TAF3: variants seen among roughly 807,000 people sequenced by gnomAD.
TAF3 encodes transcription initiation factor TFIID subunit 3.
Under a neutral mutation model 80.6 loss-of-function variants are expected in TAF3, and 7 were observed. The ratio of observed to expected loss-of-function variants is 0.09; its 90% confidence interval spans 0.05 to 0.16. The LOEUF is 0.16. Ranked by LOEUF, TAF3 falls within the 10% of genes least tolerant of loss-of-function variation. TAF3 has a pLI of 1.00. For missense variants in TAF3, 921 were observed against 1,140.2 expected (o/e 0.81, Z 2.77); for synonymous variants, 444 against 446.1 (o/e 1.00, Z 0.06).
At chr10:7,873,624 C>CCA (rs1554779082) in intron 2 of TAF3, among the ~76,000 whole-genome samples, 1 of 143,648 alleles carries the variant, frequency 7.0e-6, no homozygotes, top group African/African-American at 2.6e-5. Context: ...TTCTCCCCCC[C>CCA]CCCCCGTCAA....
At chr10:7,866,594 G>A (rs759025999) in intron 2 of TAF3, among the ~76,000 whole-genome samples, 4 of 152,208 alleles carry the variant, frequency 2.6e-5, no homozygotes, top group East Asian at 1.9e-4. Context: ...GGAGCGTGGC[G>A]TAAGATGAAG....
At chr10:7,982,036 A>G (rs1300171101) in intron 4 of TAF3, among the ~76,000 whole-genome samples, 2 of 152,216 alleles carry the variant, frequency 1.3e-5, no homozygotes, top group Non-Finnish European at 2.9e-5. Flanking sequence ...GAAAATAAGC[A>G]TTTTATATTT....
At chr10:7,921,227 G>A (rs543614702) in intron 2 of TAF3, among the ~76,000 whole-genome samples, 20 of 152,096 alleles carry the variant, frequency 1.3e-4, no homozygotes, top group African/African-American at 4.6e-4. Flanking sequence ...CTTTGAAGTA[G>A]AAGGAAAGAG....
Position 8,014,908 on chromosome 10 carries a change from A to AT in TAF3, c.*159dup. On this transcript the variant is annotated 3_prime_UTR_variant, in exon 7 of 7. Coordinates refer to ENST00000344293, the MANE Select transcript of TAF3 (RefSeq NM_031923.4). Reference sequence around the variant, plus strand: ...AGGCTGGAACACACCGCGCACCTGGATTGTTCACTCCCGAGCCGCCTTGGC... The same window carrying AT: ...AGGCTGGAACACACCGCGCACCTGGATTTGTTCACTCCCGAGCCGCCTTGGC... 1 of 623,136 alleles carries AT rather than the reference A, an allele frequency of 1.6e-6. No individual in the cohort carries two copies. Among genetic ancestry groups the AT allele is most frequent in the Non-Finnish European group, 2.7e-6 (1 of 368,368 alleles). The allele number at this position is 623,136 out of a possible 1,614,324, so 38.6% of individuals were successfully genotyped here.
intron 2 of TAF3, among the ~76,000 whole-genome samples, chr10:7,911,123 A>G (rs1350033455): frequency 6.6e-6 from 1 of 152,234 alleles, no homozygotes; most frequent in Non-Finnish European, 1.5e-5. Context: ...TAGTCTTGCT[A>G]TCTAGATCTT....
At chr10:7,991,378 AATTT>A (rs1335985964) in intron 4 of TAF3, among the ~76,000 whole-genome samples, 1 of 152,166 alleles carries the variant, frequency 6.6e-6, no homozygotes, top group African/African-American at 2.4e-5. Context: ...TTTTGTAACT[AATTT>A]ATTTCTTTGC....
chr10:7,968,002 C>T (rs1224322813), intron 3 of TAF3, among the ~76,000 whole-genome samples: 2 of 152,112 alleles, frequency 1.3e-5, no homozygotes, highest in African/African-American at 2.4e-5. Context: ...TTAAGACTTC[C>T]CTTTCTTCAA....
intron 2 of TAF3, among the ~76,000 whole-genome samples, chr10:7,934,117 G>A (rs1837894430): frequency 1.3e-5 from 2 of 152,196 alleles, no homozygotes; most frequent in Admixed American, 6.5e-5. Context: ...ACAACTCAAG[G>A]TTGAAAAATC....
At chr10:8,007,433 T>C (rs1832005044) in intron 4 of TAF3, among the ~76,000 whole-genome samples, 1 of 151,392 alleles carries the variant, frequency 6.6e-6, no homozygotes. Flanking sequence ...AAAACATACC[T>C]GTCTTAGGGC....
intron 2 of TAF3, among the ~76,000 whole-genome samples, chr10:7,950,283 C>T (rs1045272899): frequency 2.6e-5 from 4 of 152,130 alleles, no homozygotes; most frequent in African/African-American, 4.8e-5. Flanking sequence ...AAATATAGAA[C>T]GACCCAGGGA....
intron 2 of TAF3, among the ~76,000 whole-genome samples, chr10:7,942,433 C>T (rs1441619821): frequency 6.6e-6 from 1 of 152,126 alleles, no homozygotes; most frequent in Non-Finnish European, 1.5e-5. Flanking sequence ...TCAGCCAGAA[C>T]ATTTCAAAAT....
At chr10:7,907,726 G>A (rs1340699398) in intron 2 of TAF3, among the ~76,000 whole-genome samples, 1 of 152,206 alleles carries the variant, frequency 6.6e-6, no homozygotes, top group Non-Finnish European at 1.5e-5. Flanking sequence ...TCTTCCAAGG[G>A]AGGATTCTGT....
intron 2 of TAF3, among the ~76,000 whole-genome samples, chr10:7,919,622 T>G (rs150146136): frequency 1.5e-3 from 224 of 152,288 alleles, no homozygotes; most frequent in Admixed American, 3.1e-3. Context: ...CTCAAGTCCC[T>G]TATGTAAAAT....
At chr10:7,951,883 T>A (rs985727111) in intron 2 of TAF3, among the ~76,000 whole-genome samples, 10 of 152,220 alleles carry the variant, frequency 6.6e-5, no homozygotes, top group Non-Finnish European at 1.2e-4. Context: ...TACATGTCTC[T>A]ATGATTGTAG....
chr10:7,997,514 C>T (rs1285193407), intron 4 of TAF3, among the ~76,000 whole-genome samples: 1 of 152,232 alleles, frequency 6.6e-6, no homozygotes, highest in Non-Finnish European at 1.5e-5. Flanking sequence ...ACAGGCCAAG[C>T]AGCTCATGAC....
At chr10:7,834,690 G>A (rs1263220427) in intron 2 of TAF3, among the ~76,000 whole-genome samples, 1 of 151,818 alleles carries the variant, frequency 6.6e-6, no homozygotes, top group Non-Finnish European at 1.5e-5. Flanking sequence ...GAGAATTCTG[G>A]TTCTCAGGAA....
At chr10:7,989,273 T>C (rs1564378389) in intron 4 of TAF3, among the ~76,000 whole-genome samples, 1 of 152,106 alleles carries the variant, frequency 6.6e-6, no homozygotes, top group African/African-American at 2.4e-5. Context: ...TAAAGCCCAC[T>C]CAGGCCACAT....
intron 2 of TAF3, among the ~76,000 whole-genome samples, chr10:7,920,316 GTGTGTGTGTGTGTGTA>G (rs1398811011): frequency 1.2e-4 from 4 of 33,766 alleles, no homozygotes; most frequent in Non-Finnish European, 1.8e-4. Context: ...GTGTGTGTGT[GTGTGTGTGTGTGTGTA>G]TGTGTGTGTG....
intron 2 of TAF3, among the ~76,000 whole-genome samples, chr10:7,904,822 C>T (rs866064744): frequency 3.3e-5 from 5 of 152,178 alleles, no homozygotes; most frequent in East Asian, 1.9e-4. Flanking sequence ...TCTGGTGACA[C>T]GGGGCCGACC....
Sources: gnomAD v4.1 joint callset for allele counts (sites outside exome capture counted in the v4.1 genomes callset) on GRCh38, gnomAD v4.1.1 for gene constraint, MANE v1.5 for transcripts, NCBI Gene and HGNC (gene_info 2026-07-23, HGNC 2026-07-21) for gene names.